PIK3CB: variants seen among roughly 807,000 people sequenced by gnomAD.
PIK3CB encodes the protein phosphatidylinositol-4,5-bisphosphate 3-kinase catalytic subunit beta, also known as phosphatidylinositol 4,5-bisphosphate 3-kinase catalytic subunit beta isoform.
A neutral mutation model predicts 136.8 loss-of-function variants in PIK3CB; 39 were observed. The observed-to-expected ratio is 0.29, with a 90% CI of 0.22 to 0.37. The LOEUF is 0.37. Among genes scored for constraint, PIK3CB ranks in the 10% least tolerant of loss-of-function variants. The probability of loss-of-function intolerance (pLI) is 1.00; values close to 1 mark genes in which losing one functional copy is unlikely to be tolerated. For missense variants in PIK3CB, 868 were observed against 1,275.4 expected (o/e 0.68, Z 4.87); for synonymous variants, 428 against 436.6 (o/e 0.98, Z 0.25).
Position 138,755,854 on chromosome 3 carries a change from G to C in PIK3CB, c.297C>G (p.Leu99=), listed in dbSNP as rs1268460876. 1.2e-6 allele frequency: 2 copies of C among 1,612,404 alleles called. No homozygotes were observed. The highest frequency in any genetic ancestry group is 2.2e-5 in the East Asian group (1 of 44,786). ...CTGGAAGAAAAGGTCTGACATCACAGAGTCTTCGTGTTTCATCTTCAAGCT... is the reference window on the plus strand; with the variant it reads ...CTGGAAGAAAAGGTCTGACATCACACAGTCTTCGTGTTTCATCTTCAAGCT... ...YEELEDETRR[L]CDVRPFLPVL... is the part of the protein sequence containing the mutation. The change falls in exon 4 of 24, where the codon CTC becomes CTG. Residue 99 remains leucine (L), a synonymous_variant. Transcript: ENST00000674063.
At position 138,821,508 on chromosome 3, in the gene PIK3CB, G is replaced by A. The variant is rs553951230; in HGVS notation, c.-122+13187C>T. On this transcript the variant is annotated intron_variant, in intron 1 of 23. Transcript: ENST00000674063. ...AGTTAGAAAAAATATTAATAGCCTG[G>A]GCATGGCGGCTCACGTCTGTAATCC... Among the ~76,000 whole-genome samples the A allele has an allele frequency of 2.2e-4, 33 of 151,896 alleles. No homozygotes were observed. In the South Asian group the frequency reaches 6.9e-3, roughly 32 times the overall value.
chr3:138,698,255 G>C (rs1261234564), intron 13 of PIK3CB, among the ~76,000 whole-genome samples: 1 of 152,076 alleles, frequency 6.6e-6, no homozygotes, highest in East Asian at 1.9e-4. Context: ...TATTTTAGTA[G>C]ACCAAATTTA....
chr3:138,823,564 G>A (rs781391813), intron 1 of PIK3CB, among the ~76,000 whole-genome samples: 19 of 152,006 alleles, frequency 1.2e-4, no homozygotes, highest in African/African-American at 4.1e-4. Context: ...TTAGCTGGGC[G>A]TGGTGGCGCA....
At chr3:138,673,501 G>A (rs2043581318) in intron 19 of PIK3CB, among the ~76,000 whole-genome samples, 1 of 151,690 alleles carries the variant, frequency 6.6e-6, no homozygotes, top group African/African-American at 2.4e-5. Context: ...ATATCCTCAA[G>A]GCTTCTGAGG....
At chr3:138,656,296 A>G (rs1422449639) in intron 22 of PIK3CB, 22 bp from the exon 23 acceptor site, 1 of 1,613,806 alleles carries the variant, frequency 6.2e-7, no homozygotes, top group Admixed American at 1.7e-5. Context: ...GCAGCAAACC[A>G]CATGAGCACA....
At chr3:138,772,412 G>C (rs1406991222) in intron 2 of PIK3CB, among the ~76,000 whole-genome samples, 1 of 151,888 alleles carries the variant, frequency 6.6e-6, no homozygotes, top group African/African-American at 2.4e-5. Context: ...AAGGACTTAG[G>C]TTAGAACTTA....
chr3:138,777,928 C>T (rs1357193524), intron 2 of PIK3CB: 4 of 281,590 alleles, frequency 1.4e-5, no homozygotes, highest in Non-Finnish European at 2.8e-5. Context: ...TCATCAAGGA[C>T]CCCCTCATTG....
intron 4 of PIK3CB, among the ~76,000 whole-genome samples, chr3:138,752,544 C>T (rs2045492001): frequency 6.6e-6 from 1 of 151,656 alleles, no homozygotes; most frequent in Non-Finnish European, 1.5e-5. Context: ...AATCAAAATG[C>T]CAAAGAATAC....
chr3:138,714,858 C>T, intron 8 of PIK3CB, 139 bp from the exon 9 acceptor site: 1 of 773,934 alleles, frequency 1.3e-6, no homozygotes, highest in Admixed American at 3.3e-5. Context: ...GAAGAAGAAA[C>T]ATGCCAAGTT....
At chr3:138,765,772 T>C (rs1169092756) in intron 2 of PIK3CB, among the ~76,000 whole-genome samples, 1 of 151,936 alleles carries the variant, frequency 6.6e-6, no homozygotes, top group Non-Finnish European at 1.5e-5. Context: ...GAGAATCACC[T>C]GAGCCCAGGA....
In PIK3CB at chr3:138,797,837, C is replaced by A. The variant is rs192420729; in HGVS notation, c.-121-1270G>T. Among the ~76,000 whole-genome samples the A allele has an allele frequency of 5.9e-5, 9 of 152,144 alleles. No homozygotes were observed. The East Asian group carries it at 1.7e-3, about 29-fold the overall frequency. On this transcript the variant is annotated intron_variant, in intron 1 of 23. Transcript: ENST00000674063. The stretch of plus-strand genomic sequence containing the variant: ...AGGAGTGGAGACATGTGCCTGTGAT[C>A]CAGTTACTCAGAGGCCAAGGTGGAA...
At chr3:138,761,756 C>G (rs541991032) in intron 2 of PIK3CB, among the ~76,000 whole-genome samples, 2 of 149,844 alleles carry the variant, frequency 1.3e-5, no homozygotes, top group Admixed American at 6.6e-5. Context: ...GGCAACACAG[C>G]GAGACTTCGT....
At chr3:138,757,478 A>AACACACACACAC (rs146470519) in intron 3 of PIK3CB, among the ~76,000 whole-genome samples, 27 of 136,434 alleles carry the variant, frequency 2.0e-4, no homozygotes, top group African/African-American at 6.4e-4. Flanking sequence ...GATACTATTA[A>AACACACACACAC]ACACACACAC....
At chr3:138,664,489 C>T (rs1257999990) in intron 20 of PIK3CB, among the ~76,000 whole-genome samples, 1 of 152,126 alleles carries the variant, frequency 6.6e-6, no homozygotes, top group Non-Finnish European at 1.5e-5. Context: ...GAGACAAGGC[C>T]TTAAGATCAA....
chr3:138,688,370 G>A lies in PIK3CB; in HGVS notation c.2136+505C>T, dbSNP rs1375176135. Among the ~76,000 whole-genome samples the A allele has an allele frequency of 4.6e-5, 7 of 151,844 alleles. No homozygotes were observed. In the South Asian group the frequency reaches 6.3e-4, roughly 14 times the overall value. On this transcript the variant is annotated intron_variant, in intron 16 of 23. Transcript: ENST00000674063. ...CAAAATATTAGCTGGGCATGGTGGC[G>A]CATGCCTGTAGTCCCAGCTACTCGG...
chr3:138,740,628 A>C (rs1275268484), intron 5 of PIK3CB, among the ~76,000 whole-genome samples: 7 of 152,050 alleles, frequency 4.6e-5, no homozygotes, highest in African/African-American at 1.7e-4. Context: ...GTTGTTCATT[A>C]TCACTTTCAA....
chr3:138,807,438 A>C (rs1265170798), intron 1 of PIK3CB, among the ~76,000 whole-genome samples: 2 of 152,200 alleles, frequency 1.3e-5, no homozygotes, highest in Non-Finnish European at 2.9e-5. Context: ...TCTCAAAAAA[A>C]TAAAATAAAT....
chr3:138,656,511 A>G (rs1000353077), intron 22 of PIK3CB, among the ~76,000 whole-genome samples: 2 of 152,226 alleles, frequency 1.3e-5, no homozygotes, highest in African/African-American at 4.8e-5. Flanking sequence ...AACTAAATAG[A>G]AATTCTATGA....
intron 15 of PIK3CB, 76 bp downstream of exon 15, chr3:138,690,924 T>C: frequency 8.5e-7 from 1 of 1,181,846 alleles, no homozygotes; most frequent in Non-Finnish European, 1.2e-6. Context: ...GCAGCTATTT[T>C]TCTATTAAAT....
Sources: gnomAD v4.1 joint callset for allele counts (sites outside exome capture counted in the v4.1 genomes callset) on GRCh38, gnomAD v4.1.1 for gene constraint, MANE v1.5 for transcripts, NCBI Gene and HGNC (gene_info 2026-07-23, HGNC 2026-07-21) for gene names.